Variants in CNTLN observed in about 807,000 individuals in gnomAD.
The protein encoded by CNTLN is centlein, centrosomal protein.
In CNTLN, 212 loss-of-function variants were observed where a neutral mutation model predicts 180.0. The ratio of observed to expected loss-of-function variants is 1.18; its 90% confidence interval spans 1.05 to 1.32. The LOEUF (loss-of-function observed/expected upper bound fraction) is 1.32. Ranked by LOEUF, CNTLN falls within the 40% of genes most tolerant of loss-of-function variation. The pLI is 0.00. For missense variants in CNTLN, 2,095 were observed against 1,610.9 expected, an observed-to-expected ratio of 1.30 and a Z score of -5.14; for synonymous variants, 722 against 563.1, an observed-to-expected ratio of 1.28 and a Z score of -3.99.
At position 17,409,468 on chromosome 9, in the gene CNTLN, C is replaced by T. The variant is rs1348150256; in HGVS notation, c.2791C>T (p.Pro931Ser). The change falls in exon 16 of 26, where the codon CCA (proline) becomes TCA (serine). Residue 931 changes from proline to serine, a missense_variant. Pro to Ser is a moderately conservative substitution (Grantham distance 74, BLOSUM62 -1). Coordinates refer to ENST00000380647, the MANE Select transcript of CNTLN (RefSeq NM_017738.4). The part of the protein sequence containing the change: ...QTYLNIDGKT[P>S]KDYFHDKNAK... ...ATATTTAAATATAGATGGCAAGACC[C>T]CAAAGGTAAATGACATGATTTTGCT... The T allele has an allele frequency of 6.3e-7, 1 of 1,589,446 alleles. No individual in the cohort carries two copies. Among genetic ancestry groups the T allele is most frequent in the African/African-American group, 1.4e-5 (1 of 73,282 alleles).
chr9:17,192,239 C>CTTTT (rs202082553), intron 2 of CNTLN, among the ~76,000 whole-genome samples: 1 of 134,528 alleles, frequency 7.4e-6, no homozygotes, highest in Non-Finnish European at 1.6e-5. Context: ...AGGCCCTATT[C>CTTTT]TTTTTTTTTT....
intron 15 of CNTLN, 88 bp downstream of exon 15, chr9:17,395,157 C>G: frequency 6.8e-7 from 1 of 1,464,100 alleles, no homozygotes; most frequent in Non-Finnish European, 9.0e-7. Context: ...CAACTACTGT[C>G]GATTTGGTAT....
chr9:17,161,921 A>G (rs189222079), intron 2 of CNTLN, among the ~76,000 whole-genome samples: 32 of 151,244 alleles, frequency 2.1e-4, no homozygotes, highest in East Asian at 9.8e-4. Flanking sequence ...ATTTGCTTCT[A>G]TGGTTAATCT....
chr9:17,388,344 A>G, intron 14 of CNTLN, 91 bp downstream of exon 14: 4 of 805,314 alleles, frequency 5.0e-6, no homozygotes, highest in South Asian at 4.8e-5. Flanking sequence ...TTGTAAATGT[A>G]AACCTTGTGT....
the CNTLN span, among the ~76,000 whole-genome samples, chr9:17,521,290 A>AGAGAGAGAGAG: frequency 6.6e-6 from 1 of 151,556 alleles, no homozygotes; most frequent in East Asian, 1.9e-4. Flanking sequence ...AGAGAGAGAG[A>AGAGAGAGAGAG]GAGAGGAAAT....
chr9:17,396,802 T>A (rs1334588052), intron 15 of CNTLN, among the ~76,000 whole-genome samples: 1 of 152,220 alleles, frequency 6.6e-6, no homozygotes, highest in African/African-American at 2.4e-5. Flanking sequence ...TGAGAAACAC[T>A]GTTTTTAAAC....
intron 5 of CNTLN, among the ~76,000 whole-genome samples, chr9:17,273,234 A>C (rs967718647): frequency 2.0e-5 from 3 of 152,134 alleles, no homozygotes; most frequent in Non-Finnish European, 2.9e-5. Flanking sequence ...ACTTTAGGTA[A>C]ATTTCACCAC....
intron 1 of CNTLN, among the ~76,000 whole-genome samples, chr9:17,140,223 CT>C (rs1277535176): frequency 6.6e-6 from 1 of 152,042 alleles, no homozygotes; most frequent in Non-Finnish European, 1.5e-5. Flanking sequence ...ATTTAAATAA[CT>C]GAAAAACTCA....
chr9:17,191,819 A>G (rs755580229), intron 2 of CNTLN, among the ~76,000 whole-genome samples: 1 of 152,334 alleles, frequency 6.6e-6, no homozygotes, highest in South Asian at 2.1e-4. Flanking sequence ...GGATGAATAA[A>G]CAGAAAAGAA....
At position 17,343,144 on chromosome 9, in the gene CNTLN, C is replaced by A. The variant is rs147252675; in HGVS notation, c.1886+700C>A. On this transcript the variant is annotated intron_variant, in intron 12 of 25. Coordinates refer to ENST00000380647, the MANE Select transcript of CNTLN (RefSeq NM_017738.4). Reference sequence around the variant, plus strand: ...GGATACTCATATTTTAGAAAACATACAGTTGGTCGCTTGATCTTATAATTC... The same window carrying A: ...GGATACTCATATTTTAGAAAACATAAAGTTGGTCGCTTGATCTTATAATTC... Among the ~76,000 whole-genome samples the A allele has an allele frequency of 1.8e-3, 268 of 152,332 alleles. 1 individual carries two copies. The highest frequency in any genetic ancestry group is 6.1e-3 in the African/African-American group (253 of 41,580).
At chr9:17,482,332 C>G (rs1056786920) in intron 23 of CNTLN, among the ~76,000 whole-genome samples, 2 of 151,864 alleles carry the variant, frequency 1.3e-5, no homozygotes, top group African/African-American at 2.4e-5. Flanking sequence ...AAAAAGTAAT[C>G]AACTGAAAAA....
At chr9:17,457,755 G>A (rs1831216623) in intron 19 of CNTLN, 40 bp downstream of exon 19, 1 of 1,229,026 alleles carries the variant, frequency 8.1e-7, no homozygotes, top group Admixed American at 2.9e-5. Context: ...CATACATTAT[G>A]CTTGAATCCT....
chr9:17,326,065 C>A (rs1820270129), intron 8 of CNTLN, among the ~76,000 whole-genome samples: 1 of 152,116 alleles, frequency 6.6e-6, no homozygotes, highest in South Asian at 2.1e-4. Flanking sequence ...GCCTTCTATT[C>A]TATTTAATAT....
At chr9:17,372,482 G>A (rs1824406898) in intron 13 of CNTLN, among the ~76,000 whole-genome samples, 1 of 152,148 alleles carries the variant, frequency 6.6e-6, no homozygotes, top group Non-Finnish European at 1.5e-5. Context: ...ATGCCATAAT[G>A]CAGAGGCTCC....
intron 18 of CNTLN, among the ~76,000 whole-genome samples, chr9:17,450,077 G>C (rs984888556): frequency 6.6e-6 from 1 of 152,182 alleles, no homozygotes; most frequent in African/African-American, 2.4e-5. Flanking sequence ...AAATGTTATT[G>C]AGAGTAGCGT....
intron 15 of CNTLN, among the ~76,000 whole-genome samples, chr9:17,402,521 T>A (rs534421044): frequency 6.6e-6 from 1 of 151,988 alleles, no homozygotes; most frequent in South Asian, 2.1e-4. Flanking sequence ...CTGTTGGTTA[T>A]GTATCAACTT....
chr9:17,306,894 C>T (rs1447013854), intron 7 of CNTLN, among the ~76,000 whole-genome samples: 2 of 152,094 alleles, frequency 1.3e-5, no homozygotes, highest in East Asian at 3.9e-4. Flanking sequence ...AAGAGAAGAC[C>T]GTCACTCATC....
intron 8 of CNTLN, among the ~76,000 whole-genome samples, chr9:17,316,714 C>A (rs569669827): frequency 6.6e-6 from 1 of 152,082 alleles, no homozygotes; most frequent in South Asian, 2.1e-4. Flanking sequence ...CTGTTTTGTT[C>A]CTCTTTTCCT....
chr9:17,293,539 G>A (rs35443384), intron 6 of CNTLN, among the ~76,000 whole-genome samples: 6,445 of 152,310 alleles, frequency 0.042, 210 homozygotes, highest in Non-Finnish European at 0.066. Context: ...CGCCTGAAGA[G>A]GCAGTCTGGC....
Sources: allele counts gnomAD v4.1 joint callset (sites outside exome capture counted in the v4.1 genomes callset), GRCh38; gene constraint gnomAD v4.1.1; transcripts MANE v1.5; gene names NCBI Gene and HGNC (gene_info 2026-07-23, HGNC 2026-07-21).